The following DGKB variants were observed in gnomAD, a reference collection of about 807,000 sequenced individuals.
DGKB encodes 90 kDa diacylglycerol kinase.
Under a neutral mutation model 114.3 loss-of-function variants are expected in DGKB, and 67 were observed. The ratio of observed to expected loss-of-function variants is 0.59; its 90% CI spans 0.48 to 0.72. The LOEUF (loss-of-function observed/expected upper bound fraction) is 0.72. Among genes scored for constraint, DGKB ranks in the 30% least tolerant of loss-of-function variants. DGKB has a pLI of 0.00. For synonymous variants in DGKB, 398 were observed against 323.1 expected (o/e 1.23, Z -2.49); for missense variants, 907 against 975.2 (o/e 0.93, Z 0.93).
At chr7:14,199,805 G>GAAGT (rs1785564664) in intron 23 of DGKB, among the ~76,000 whole-genome samples, 1 of 151,974 alleles carries the variant, frequency 6.6e-6, no homozygotes, top group Admixed American at 6.6e-5. Flanking sequence ...TAGTGACAAC[G>GAAGT]AAGTATACAA....
chr7:14,225,391 G>C (rs1305232119), intron 23 of DGKB, among the ~76,000 whole-genome samples: 1 of 151,922 alleles, frequency 6.6e-6, no homozygotes, highest in Non-Finnish European at 1.5e-5. Flanking sequence ...CCTTTTTAAG[G>C]AACATTTCCA....
chr7:14,681,923 T>G (rs1279054094), intron 12 of DGKB, among the ~76,000 whole-genome samples: 1 of 152,084 alleles, frequency 6.6e-6, no homozygotes, highest in African/African-American at 2.4e-5. Flanking sequence ...CAATGCATGA[T>G]TTAACTGAAA....
At chr7:14,152,005 C>T (rs547082278) in intron 25 of DGKB, among the ~76,000 whole-genome samples, 191 of 152,150 alleles carry the variant, frequency 1.3e-3, no homozygotes, top group African/African-American at 4.3e-3. Context: ...CAAGTGAACC[C>T]TCAGACTCAG....
intron 15 of DGKB, among the ~76,000 whole-genome samples, chr7:14,616,415 G>A (rs767184384): frequency 1.3e-4 from 20 of 151,552 alleles, no homozygotes; most frequent in Non-Finnish European, 2.8e-4. Context: ...TATCCAATCT[G>A]TCTATGAATT....
intron 20 of DGKB, among the ~76,000 whole-genome samples, chr7:14,539,229 A>T (rs936174656): frequency 1.3e-5 from 2 of 152,158 alleles, no homozygotes; most frequent in Non-Finnish European, 2.9e-5. Flanking sequence ...GATTATGGTG[A>T]TAGTAGTGAG....
At chr7:14,352,126 A>T (rs1813558591) in intron 21 of DGKB, among the ~76,000 whole-genome samples, 1 of 152,170 alleles carries the variant, frequency 6.6e-6, no homozygotes, top group Admixed American at 6.5e-5. Context: ...GGAGACAATG[A>T]AATAAGCTAC....
intron 1 of DGKB, among the ~76,000 whole-genome samples, chr7:14,896,567 T>C (rs1006486641): frequency 2.6e-5 from 4 of 151,708 alleles, no homozygotes; most frequent in Non-Finnish European, 4.4e-5. Context: ...TGAGACAATA[T>C]TCCAAGTAAG....
At chr7:14,652,591 C>T (rs1344100576) in intron 13 of DGKB, among the ~76,000 whole-genome samples, 1 of 151,334 alleles carries the variant, frequency 6.6e-6, no homozygotes, top group African/African-American at 2.4e-5. Context: ...TAGGCATGGG[C>T]AAGGACTTCC....
At chr7:14,576,671 G>T (rs1416782369) in intron 19 of DGKB, among the ~76,000 whole-genome samples, 1 of 152,042 alleles carries the variant, frequency 6.6e-6, no homozygotes, top group Non-Finnish European at 1.5e-5. Flanking sequence ...TAGCAGCACC[G>T]TCCAACATAA....
chr7:14,809,613 AT>A (rs144153812), intron 2 of DGKB, among the ~76,000 whole-genome samples: 3,218 of 149,758 alleles, frequency 0.021, 112 homozygotes, highest in African/African-American at 0.074. Context: ...CTGGGACAAT[AT>A]TTTTTTTTTG....
At chr7:14,679,863 T>C (rs1208575464) in intron 12 of DGKB, among the ~76,000 whole-genome samples, 3 of 151,992 alleles carry the variant, frequency 2.0e-5, no homozygotes, top group Non-Finnish European at 4.4e-5. Flanking sequence ...GGTAAATATA[T>C]CCTGTTTAAC....
At chr7:14,623,578 A>G (rs1240690298) in intron 14 of DGKB, among the ~76,000 whole-genome samples, 1 of 152,176 alleles carries the variant, frequency 6.6e-6, no homozygotes, top group Non-Finnish European at 1.5e-5. Context: ...GTCTCTGACT[A>G]AAATAATGCT....
At chr7:14,345,626 GT>G (rs1812354970) in intron 21 of DGKB, among the ~76,000 whole-genome samples, 1 of 151,588 alleles carries the variant, frequency 6.6e-6, no homozygotes, top group Admixed American at 6.6e-5. Context: ...TACACCTTTA[GT>G]TTTTTGTGGG....
chr7:14,500,222 C>T (rs913961686), intron 20 of DGKB, among the ~76,000 whole-genome samples: 1 of 151,788 alleles, frequency 6.6e-6, no homozygotes, highest in African/African-American at 2.4e-5. Flanking sequence ...ATTTTATTAA[C>T]ATCTTTGCCC....
chr7:14,866,525 G>T (rs902693456), intron 1 of DGKB, among the ~76,000 whole-genome samples: 14 of 151,984 alleles, frequency 9.2e-5, no homozygotes, highest in African/African-American at 3.4e-4. Context: ...TTAGTAATTT[G>T]CATTTAAGTT....
At chr7:14,702,996 G>A (rs907989212) in intron 6 of DGKB, among the ~76,000 whole-genome samples, 1 of 152,098 alleles carries the variant, frequency 6.6e-6, no homozygotes, top group Non-Finnish European at 1.5e-5. Flanking sequence ...ATACTAAACT[G>A]GCTAAAAGAC....
intron 8 of DGKB, among the ~76,000 whole-genome samples, chr7:14,695,946 A>T (rs541811144): frequency 1.3e-5 from 2 of 152,280 alleles, no homozygotes; most frequent in South Asian, 2.1e-4. Context: ...ACTTTGTACC[A>T]TTTCAGCTCC....
intron 25 of DGKB, chr7:14,176,297 A>AT (rs200463609): frequency 0.16 from 147,256 of 946,836 alleles, 10,157 homozygotes; most frequent in African/African-American, 0.27. Context: ...ATGAAAACTG[A>AT]TTTTTTTTTG....
rs182976549 is a variant in DGKB, at chr7:14,565,833, G to A, written c.1770+8379C>T. 4.2e-4 allele frequency among the ~76,000 whole-genome samples: 63 copies of A among 151,744 alleles called. 1 individual carries two copies. Among genetic ancestry groups the A allele is most frequent in the African/African-American group, 1.3e-3 (54 of 41,338 alleles). ...ATTCTTGAAAACTTCCATGTCATTC[G>A]CCATGTGACCACCAGAATGATTTTT... On this transcript the variant is annotated intron_variant, in intron 20 of 25. Transcript: ENST00000402815.
Sources: allele counts gnomAD v4.1 joint callset (sites outside exome capture counted in the v4.1 genomes callset), GRCh38; gene constraint gnomAD v4.1.1; transcripts MANE v1.5; gene names NCBI Gene and HGNC (gene_info 2026-07-23, HGNC 2026-07-21).